Variants in CACNA1E observed in about 807,000 individuals in gnomAD.
CACNA1E encodes voltage-dependent R-type calcium channel subunit alpha-1E.
Under a neutral mutation model 259.2 loss-of-function variants are expected in CACNA1E, and 40 were observed. That is an observed-to-expected ratio of 0.15 (90% CI 0.12 to 0.20). CACNA1E has a LOEUF of 0.20. Among genes scored for constraint, CACNA1E ranks in the 10% least tolerant of loss-of-function variants. The pLI is 1.00. For synonymous variants in CACNA1E, 1,104 were observed against 1,138.5 expected (o/e 0.97, Z 0.61); for missense variants, 1,874 against 3,040.1 (o/e 0.62, Z 9.02).
intron 1 of CACNA1E, among the ~76,000 whole-genome samples, chr1:181,484,445 C>T (rs1663601239): frequency 6.6e-6 from 1 of 152,242 alleles, no homozygotes; most frequent in Admixed American, 6.5e-5. Context: ...ACCGCACTGT[C>T]TTCCTGTAGG....
intron 1 of CACNA1E, among the ~76,000 whole-genome samples, chr1:181,358,100 CAGG>C (rs896618405): frequency 3.1e-4 from 47 of 152,110 alleles, no homozygotes; most frequent in African/African-American, 1.1e-3. Context: ...ACAACTCCTG[CAGG>C]AGAATGGGGA....
rs531333447 is a variant in CACNA1E, at chr1:181,623,667, A to T, written c.952-27671A>T. 6.6e-5 allele frequency among the ~76,000 whole-genome samples: 10 copies of T among 152,362 alleles called. No individual in the cohort carries two copies. The South Asian group carries it at 2.1e-3, about 32-fold the overall frequency. On this transcript the variant is annotated intron_variant, in intron 6 of 47. Transcript: ENST00000367573. ...AAATTTTTGTTTCCCAGTGCATATA[A>T]AAGTTATGTTTACACTATATTGTAG...
chr1:181,382,272 G>A (rs1267545541), intron 1 of CACNA1E, among the ~76,000 whole-genome samples: 5 of 152,154 alleles, frequency 3.3e-5, no homozygotes, highest in Admixed American at 3.3e-4. Context: ...GGCTAGAGTT[G>A]GTAAGGGAGA....
chr1:181,350,594 A>G (rs1244102965), intron 1 of CACNA1E, among the ~76,000 whole-genome samples: 1 of 152,130 alleles, frequency 6.6e-6, no homozygotes, highest in Non-Finnish European at 1.5e-5. Flanking sequence ...GTCCCTTGGC[A>G]GCATTGGTCA....
chr1:181,798,736 C>T lies in CACNA1E; in HGVS notation c.6844C>T (p.His2282Tyr), dbSNP rs1558408199. ...LRHSWQMPNG[H>Y]YRRRRRGGPG... ...GCATAGCTGGCAGATGCCCAACGGG[C>T]ACTATCGGCGGCGGAGGCGCGGGGG... The change falls in exon 48 of 48, where the codon CAC (histidine) becomes TAC (tyrosine). Residue 2282 changes from histidine (H) to tyrosine (Y), a missense_variant. His to Tyr is a moderately conservative substitution (Grantham distance 83). Transcript: ENST00000367573. This position sits in a 1 kb window ranked among gnomAD's most constrained non-coding sequence, Gnocchi z 4.2. 2 of 1,607,452 alleles carry T rather than the reference C, an allele frequency of 1.2e-6. No individual in the cohort carries two copies. Among genetic ancestry groups the T allele is most frequent in the Non-Finnish European group, 8.5e-7 (1 of 1,175,990 alleles).
At chr1:181,704,578 T>TGTGTGCTTGGCAGAGTGTGTGTAC (rs1306925761) in intron 7 of CACNA1E, among the ~76,000 whole-genome samples, 1 of 152,148 alleles carries the variant, frequency 6.6e-6, no homozygotes, top group Non-Finnish European at 1.5e-5. Context: ...TGTGGCCATT[T>TGTGTGCTTGGCAGAGTGTGTGTAC]GTGTGCTTGG....
intron 3 of CACNA1E, among the ~76,000 whole-genome samples, chr1:181,572,288 T>G (rs1367537454): frequency 6.6e-6 from 1 of 152,234 alleles, no homozygotes; most frequent in Admixed American, 6.5e-5. Flanking sequence ...CCCAGAGCAT[T>G]GCCTCTGTCT....
intron 1 of CACNA1E, among the ~76,000 whole-genome samples, chr1:181,329,966 G>A (rs1651120541): frequency 6.6e-6 from 1 of 152,148 alleles, no homozygotes; most frequent in Admixed American, 6.5e-5. Context: ...AGGGGAGTAG[G>A]GGAGAATGGG....
chr1:181,393,540 C>T (rs145190220), intron 1 of CACNA1E, among the ~76,000 whole-genome samples: 236 of 152,344 alleles, frequency 1.5e-3, no homozygotes, highest in Non-Finnish European at 2.6e-3. Context: ...TCACTGCAAC[C>T]TCTGCCTTCC....
At chr1:181,489,338 A>G (rs1197622437) in intron 1 of CACNA1E, among the ~76,000 whole-genome samples, 1 of 151,872 alleles carries the variant, frequency 6.6e-6, no homozygotes, top group Non-Finnish European at 1.5e-5. Flanking sequence ...TTTGTGAATA[A>G]TTCATTATAT....
At chr1:181,744,520 C>T (rs1379603700) in intron 25 of CACNA1E, among the ~76,000 whole-genome samples, 3 of 152,170 alleles carry the variant, frequency 2.0e-5, no homozygotes, top group South Asian at 2.1e-4. Flanking sequence ...CCAAAATGCT[C>T]GTACACACTC....
intron 6 of CACNA1E, among the ~76,000 whole-genome samples, chr1:181,615,742 C>CTCTTA (rs4048468): frequency 0.87 from 132,139 of 151,772 alleles, 58,143 homozygotes; most frequent in East Asian, 0.98. Flanking sequence ...CTTTTTATTT[C>CTCTTA]TCTTATTATA....
intron 10 of CACNA1E, among the ~76,000 whole-genome samples, chr1:181,716,530 C>A (rs1257776930): frequency 6.6e-6 from 1 of 152,166 alleles, no homozygotes; most frequent in African/African-American, 2.4e-5. Flanking sequence ...ATTTGCTTAA[C>A]AACAGTAGCC....
At chr1:181,420,637 A>G (rs910661508) in intron 2 of CACNA1E, among the ~76,000 whole-genome samples, 4 of 152,208 alleles carry the variant, frequency 2.6e-5, no homozygotes, top group Non-Finnish European at 5.9e-5. Context: ...GACTGCCACC[A>G]TTTATTGAGC....
chr1:181,757,852 C>A, intron 30 of CACNA1E, 95 bp from the exon 31 acceptor site: 2 of 1,369,140 alleles, frequency 1.5e-6, no homozygotes, highest in South Asian at 1.3e-5. Context: ...CCCTTTTTCC[C>A]ATTCACCGTC....
chr1:181,511,538 G>C (rs1666163591), intron 3 of CACNA1E, 28 bp downstream of exon 3: 2 of 1,612,194 alleles, frequency 1.2e-6, no homozygotes, highest in Non-Finnish European at 1.7e-6. Flanking sequence ...CTCTGTCTGT[G>C]TGTGTGTATG....
chr1:181,493,942 T>TAATCACTGTCTCTCCA (rs1337125335), intron 1 of CACNA1E, among the ~76,000 whole-genome samples: 8 of 152,270 alleles, frequency 5.3e-5, no homozygotes, highest in African/African-American at 1.9e-4. Flanking sequence ...TTGACCACTG[T>TAATCACTGTCTCTCCA]AATCACTGTC....
intron 34 of CACNA1E, among the ~76,000 whole-genome samples, chr1:181,764,593 G>C (rs972063968): frequency 6.6e-6 from 1 of 152,162 alleles, no homozygotes; most frequent in Admixed American, 6.5e-5. Flanking sequence ...CTGGCTCCTA[G>C]GAGCGACCTT....
intron 7 of CACNA1E, among the ~76,000 whole-genome samples, chr1:181,691,129 C>G (rs929720882): frequency 5.3e-5 from 8 of 151,868 alleles, no homozygotes; most frequent in African/African-American, 1.9e-4. Context: ...GATCTTCAAC[C>G]TAACATTTCT....
Sources: gnomAD v4.1 joint callset for allele counts (sites outside exome capture counted in the v4.1 genomes callset) on GRCh38, gnomAD v4.1.1 for gene constraint, Gnocchi (gnomAD v3.1) non-coding constraint, MANE v1.5 for transcripts, NCBI Gene and HGNC (gene_info 2026-07-23, HGNC 2026-07-21) for gene names.